Variants in LPP observed in about 807,000 individuals in gnomAD.
LPP encodes LIM domain containing preferred translocation partner in lipoma, also known as lipoma-preferred partner.
LPP carries 38 observed loss-of-function variants against 60.4 expected under a neutral mutation model. That is an observed-to-expected ratio of 0.63 (90% confidence interval 0.49 to 0.83). The LOEUF (loss-of-function observed/expected upper bound fraction) is 0.83, where lower values mean the gene tolerates loss of function less well. Ranked by LOEUF, LPP falls within the 40% of genes least tolerant of loss-of-function variation. The pLI is 0.00. For synonymous variants in LPP, 328 were observed against 290.8 expected (o/e 1.13, Z -1.30); for missense variants, 902 against 783.6 (o/e 1.15, Z -1.80).
rs888015002 is a variant in LPP, at chr3:188,622,258, C to G, written c.1113+12414C>G. Among the ~76,000 whole-genome samples the G allele has an allele frequency of 5.3e-5, 8 of 152,256 alleles. No homozygotes were observed. The South Asian group carries it at 6.2e-4, about 12-fold the overall frequency. On this transcript the variant is annotated intron_variant, in intron 7 of 11. Transcript: ENST00000617246. Reference sequence around the variant, plus strand: ...CAGCTTGATATTTCCTCACTTTCCTCTTTCTCCCCTTTTCAAGTTATAGCT... The same window carrying G: ...CAGCTTGATATTTCCTCACTTTCCTGTTTCTCCCCTTTTCAAGTTATAGCT...
chr3:188,503,857 C>T (rs1025061556), intron 5 of LPP, among the ~76,000 whole-genome samples: 13 of 152,116 alleles, frequency 8.5e-5, no homozygotes, highest in Admixed American at 1.3e-4. Context: ...TTGCAACTTT[C>T]AAAATTCTCC....
intron 9 of LPP, among the ~76,000 whole-genome samples, chr3:188,816,198 C>CTTTTTTTT (rs34839724): frequency 1.2e-4 from 12 of 103,934 alleles, no homozygotes; most frequent in Admixed American, 2.4e-4. Context: ...GCTTCCTTCT[C>CTTTTTTTT]TTTTTTTTTT....
intron 4 of LPP, among the ~76,000 whole-genome samples, chr3:188,478,912 C>T (rs1803969247): frequency 6.6e-6 from 1 of 152,008 alleles, no homozygotes; most frequent in Non-Finnish European, 1.5e-5. Flanking sequence ...TGCTACCACG[C>T]CTGGCTAATT....
chr3:188,176,367 G>A (rs1181056638), intron 1 of LPP, among the ~76,000 whole-genome samples: 2 of 151,912 alleles, frequency 1.3e-5, no homozygotes, highest in Non-Finnish European at 2.9e-5. Flanking sequence ...GGGGAAATGA[G>A]GCCTGGAAAT....
chr3:188,430,521 A>G (rs1790629179), intron 4 of LPP, among the ~76,000 whole-genome samples: 1 of 152,140 alleles, frequency 6.6e-6, no homozygotes, highest in Admixed American at 6.6e-5. Flanking sequence ...TTTAAACTCA[A>G]CCTATACAAT....
chr3:188,886,338 G>A lies in LPP; in HGVS notation c.*11859G>A, dbSNP rs77789882. The A allele has an allele frequency of 0.022, 3,787 of 175,560 alleles. 145 individuals carry two copies. The highest frequency in any genetic ancestry group is 0.086 in the African/African-American group (3,541 of 41,282). 10.9% of individuals were successfully genotyped at this position (175,560 alleles called of 1,614,324 possible). A position where few individuals can be genotyped will look rare whatever the true frequency, so the allele number is the denominator to read the frequency against. On this transcript the variant is annotated 3_prime_UTR_variant, in exon 12 of 12. Coordinates refer to ENST00000617246, the MANE Select transcript of LPP (RefSeq NM_001375462.1). ...AAAATTAAAAAAAAAAAAGAAAAGT[G>A]CCTCACCTCCCTGTGAGGCTTGATG...
chr3:188,728,356 A>G (rs533554102), intron 8 of LPP, among the ~76,000 whole-genome samples: 1 of 152,312 alleles, frequency 6.6e-6, no homozygotes, highest in African/African-American at 2.4e-5. Context: ...TATCTGCAAA[A>G]GAACCTGCGT....
chr3:188,676,353 C>T (rs992857298), intron 7 of LPP, among the ~76,000 whole-genome samples: 6 of 152,048 alleles, frequency 3.9e-5, no homozygotes, highest in Admixed American at 1.3e-4. Context: ...TAGTCTACTC[C>T]GTGTCGCCAC....
intron 3 of LPP, among the ~76,000 whole-genome samples, chr3:188,371,105 T>G (rs1167114240): frequency 6.6e-6 from 1 of 152,068 alleles, no homozygotes; most frequent in Non-Finnish European, 1.5e-5. Context: ...TTGCCTTCCT[T>G]CTCTGTATGG....
rs186226780 is a variant in LPP, at chr3:188,472,420, T to A, written c.194-12172T>A. ...AATACATGCCAAAAAACAACCACCTTGAAATGAAATGAGTGTCTCTATTTG... is the reference window on the plus strand; with the variant it reads ...AATACATGCCAAAAAACAACCACCTAGAAATGAAATGAGTGTCTCTATTTG... On this transcript the variant is annotated intron_variant, in intron 4 of 11. Coordinates refer to ENST00000617246, the MANE Select transcript of LPP (RefSeq NM_001375462.1). Among the ~76,000 whole-genome samples, 42 of 152,286 alleles carry A rather than the reference T, an allele frequency of 2.8e-4. No homozygotes were observed. In the East Asian group the frequency reaches 7.3e-3, roughly 27 times the overall value.
chr3:188,532,228 G>A (rs191206397), intron 6 of LPP, among the ~76,000 whole-genome samples: 12 of 152,002 alleles, frequency 7.9e-5, no homozygotes, highest in East Asian at 1.9e-4. Flanking sequence ...TAAACATGGC[G>A]AAACCCCAGC....
chr3:188,302,180 T>G (rs1191207986), intron 2 of LPP, among the ~76,000 whole-genome samples: 1 of 152,176 alleles, frequency 6.6e-6, no homozygotes, highest in African/African-American at 2.4e-5. Context: ...TCTCGTTTAA[T>G]TCTCCCATCC....
intron 4 of LPP, among the ~76,000 whole-genome samples, chr3:188,471,998 C>A (rs895330906): frequency 6.6e-6 from 1 of 152,134 alleles, no homozygotes. Flanking sequence ...TCTCTTGGAG[C>A]CTAATGTTCC....
intron 8 of LPP, among the ~76,000 whole-genome samples, chr3:188,735,478 T>TTCAAGCAATTC (rs1363433560): frequency 6.6e-6 from 1 of 151,870 alleles, no homozygotes; most frequent in Non-Finnish European, 1.5e-5. Flanking sequence ...GCCTCCTGGG[T>TTCAAGCAATTC]TCAAGCAATT....
At chr3:188,707,498 C>G (rs1343533902) in intron 7 of LPP, among the ~76,000 whole-genome samples, 2 of 152,230 alleles carry the variant, frequency 1.3e-5, no homozygotes, top group African/African-American at 2.4e-5. Context: ...CCCATTTCAA[C>G]ACCAACCCAG....
intron 4 of LPP, among the ~76,000 whole-genome samples, chr3:188,467,762 A>G (rs1800838618): frequency 6.6e-6 from 1 of 152,144 alleles, no homozygotes; most frequent in Admixed American, 6.6e-5. Flanking sequence ...GCCACAAGCC[A>G]AAGAATGAGG....
chr3:188,843,536 C>T (rs1388138980), intron 9 of LPP, among the ~76,000 whole-genome samples: 1 of 151,980 alleles, frequency 6.6e-6, no homozygotes, highest in Non-Finnish European at 1.5e-5. Context: ...GCCTGTAATC[C>T]CAGCACTTCG....
At chr3:188,179,568 G>T in intron 1 of LPP, 1 of 446,530 alleles carries the variant, frequency 2.2e-6, no homozygotes, top group South Asian at 1.6e-5. Context: ...AAGCCCTCTC[G>T]AGAGGTCTGT....
At chr3:188,614,040 G>A (rs902551078) in intron 7 of LPP, among the ~76,000 whole-genome samples, 1 of 151,696 alleles carries the variant, frequency 6.6e-6, no homozygotes, top group Non-Finnish European at 1.5e-5. Context: ...TGATTCTCCT[G>A]CCTCAGCCTA....
Sources: allele counts gnomAD v4.1 joint callset (sites outside exome capture counted in the v4.1 genomes callset), GRCh38; gene constraint gnomAD v4.1.1; transcripts MANE v1.5; gene names NCBI Gene and HGNC (gene_info 2026-07-23, HGNC 2026-07-21).